XKR6: variants seen among roughly 807,000 people sequenced by gnomAD.
XKR6 encodes the protein XK related 6, also known as XK-related protein 6.
XKR6 carries 22 observed loss-of-function variants against 56.7 expected under a neutral mutation model. The ratio of observed to expected loss-of-function variants is 0.39; its 90% CI spans 0.28 to 0.55. The LOEUF is 0.55. Among genes scored for constraint, XKR6 ranks in the 20% least tolerant of loss-of-function variants. The pLI is 0.66. For missense variants in XKR6, 852 were observed against 889.0 expected (o/e 0.96, Z 0.53); for synonymous variants, 524 against 387.8 (o/e 1.35, Z -4.13).
At chr8:10,909,524 G>A (rs755173527) in intron 2 of XKR6, among the ~76,000 whole-genome samples, 8 of 152,134 alleles carry the variant, frequency 5.3e-5, no homozygotes, top group Non-Finnish European at 8.8e-5. Context: ...GCAGGGATTT[G>A]GTTTGGTACT....
chr8:11,031,112 T>A (rs1798983280), intron 1 of XKR6, among the ~76,000 whole-genome samples: 1 of 152,174 alleles, frequency 6.6e-6, no homozygotes, highest in Non-Finnish European at 1.5e-5. Flanking sequence ...GAGATGACCC[T>A]GTTCACTGGC....
chr8:11,093,443 T>C (rs1007491239), intron 1 of XKR6, among the ~76,000 whole-genome samples: 6 of 152,334 alleles, frequency 3.9e-5, no homozygotes, highest in Non-Finnish European at 8.8e-5. Flanking sequence ...AGAAAAACTT[T>C]TCTGCGAGCA....
chr8:11,152,278 C>G (rs757606805), intron 1 of XKR6, among the ~76,000 whole-genome samples: 31 of 152,198 alleles, frequency 2.0e-4, no homozygotes, highest in Admixed American at 4.6e-4. Flanking sequence ...CTTTGCTTCT[C>G]TACAGTTGCC....
At chr8:10,956,625 G>A (rs1255532216) in intron 1 of XKR6, among the ~76,000 whole-genome samples, 1 of 152,136 alleles carries the variant, frequency 6.6e-6, no homozygotes, top group Admixed American at 6.5e-5. Flanking sequence ...CAGCCCTCAT[G>A]GGGCTTTCCG....
chr8:10,925,979 C>A (rs561217613), intron 1 of XKR6, among the ~76,000 whole-genome samples: 1 of 152,272 alleles, frequency 6.6e-6, no homozygotes. Flanking sequence ...CAGTCAGGAT[C>A]AAAAACAGGA....
intron 2 of XKR6, among the ~76,000 whole-genome samples, chr8:10,900,615 A>G (rs1341224258): frequency 6.6e-6 from 1 of 152,246 alleles, no homozygotes; most frequent in Non-Finnish European, 1.5e-5. Context: ...TCTGGAAAAC[A>G]TCCAAAGAGC....
chr8:11,182,544 G>T (rs989117465), intron 1 of XKR6, among the ~76,000 whole-genome samples: 6 of 152,356 alleles, frequency 3.9e-5, no homozygotes, highest in Admixed American at 2.6e-4. Context: ...CTTGAAGTCA[G>T]ATGGGTCACC....
intron 1 of XKR6, among the ~76,000 whole-genome samples, chr8:11,087,692 C>A (rs1054416979): frequency 2.0e-5 from 3 of 152,190 alleles, no homozygotes; most frequent in African/African-American, 4.8e-5. Context: ...CCAATGTCAT[C>A]TCTGAGCTAC....
chr8:11,058,542 A>G (rs1262490401), intron 1 of XKR6, among the ~76,000 whole-genome samples: 1 of 152,248 alleles, frequency 6.6e-6, no homozygotes, highest in East Asian at 1.9e-4. Flanking sequence ...TTGCAGGAAC[A>G]TGAATGAAGC....
chr8:11,135,822 AAAGG>A (rs199835126), intron 1 of XKR6, among the ~76,000 whole-genome samples: 2,609 of 152,172 alleles, frequency 0.017, 39 homozygotes, highest in African/African-American at 0.035. Context: ...AAAAAGAATA[AAAGG>A]AAGGAAGGAA....
At chr8:11,147,810 G>C (rs946629395) in intron 1 of XKR6, among the ~76,000 whole-genome samples, 1 of 152,176 alleles carries the variant, frequency 6.6e-6, no homozygotes, top group Non-Finnish European at 1.5e-5. Context: ...GTGCTGGCAA[G>C]TATTACAGGC....
chr8:11,151,718 C>G (rs1212735654), intron 1 of XKR6, among the ~76,000 whole-genome samples: 3 of 151,064 alleles, frequency 2.0e-5, no homozygotes, highest in Admixed American at 6.6e-5. Flanking sequence ...TTAATTTTCT[C>G]AAGCTTGTTC....
chr8:10,906,247 C>T (rs1363998835), intron 2 of XKR6, among the ~76,000 whole-genome samples: 1 of 152,188 alleles, frequency 6.6e-6, no homozygotes, highest in Non-Finnish European at 1.5e-5. Flanking sequence ...CAGAGCTCCA[C>T]CAAATCCTGC....
chr8:11,191,515 C>T (rs1803573579), intron 1 of XKR6, among the ~76,000 whole-genome samples: 1 of 152,074 alleles, frequency 6.6e-6, no homozygotes, highest in South Asian at 2.1e-4. Flanking sequence ...TGATATGATG[C>T]CAACATGAAG....
In XKR6 at chr8:11,052,636, C is replaced by G. The variant is rs746955689; in HGVS notation, c.765-127806G>C. On this transcript the variant is annotated intron_variant, in intron 1 of 2. Transcript: ENST00000416569. ...GTGGGGGAGCCCAGAGCCCAGTTCT[C>G]TCTCCCCCTGGTTTTCTCTCCCCAT... is the stretch of plus-strand genomic sequence containing the variant. Among the ~76,000 whole-genome samples, 184 of 152,204 alleles carry G rather than the reference C, an allele frequency of 1.2e-3. 2 individuals are homozygous for G. The highest frequency in any genetic ancestry group is 3.4e-3 in the Middle Eastern group (1 of 294).
chr8:11,068,806 G>A (rs1269720780), intron 1 of XKR6, among the ~76,000 whole-genome samples: 2 of 152,136 alleles, frequency 1.3e-5, no homozygotes, highest in Non-Finnish European at 2.9e-5. Flanking sequence ...CCCACCCCTG[G>A]CCAAGGTGGG....
intron 1 of XKR6, among the ~76,000 whole-genome samples, chr8:10,927,197 G>A (rs1314235310): frequency 6.6e-6 from 1 of 152,204 alleles, no homozygotes; most frequent in Non-Finnish European, 1.5e-5. Flanking sequence ...CAACCGTGAT[G>A]GCAGTGCGGG....
rs1363881005 is a variant in XKR6, at chr8:11,093,411, T to C, written c.764+107165A>G. 6.6e-5 allele frequency among the ~76,000 whole-genome samples: 10 copies of C among 152,296 alleles called. No homozygotes were observed. The East Asian group carries it at 1.7e-3, about 27-fold the overall frequency. ...CAAGTCAAAGCCTCACCCACTGCCC[T>C]TAGCACGAAGATGGCTATGCAAGAA... On this transcript the variant is annotated intron_variant, in intron 1 of 2. Coordinates refer to ENST00000416569, the MANE Select transcript of XKR6 (RefSeq NM_173683.4).
chr8:11,095,529 T>C (rs1401255028), intron 1 of XKR6, among the ~76,000 whole-genome samples: 1 of 152,194 alleles, frequency 6.6e-6, no homozygotes, highest in Non-Finnish European at 1.5e-5. Flanking sequence ...CAGCACACAC[T>C]GTTCTGAATC....
Sources: allele counts gnomAD v4.1 joint callset (sites outside exome capture counted in the v4.1 genomes callset), GRCh38; gene constraint gnomAD v4.1.1; transcripts MANE v1.5; gene names NCBI Gene and HGNC (gene_info 2026-07-23, HGNC 2026-07-21).